Variants in PHACTR2 observed in about 807,000 individuals in gnomAD.
The protein encoded by PHACTR2 is phosphatase and actin regulator 2, also known as chromosome 6 open reading frame 56.
In PHACTR2, 30 loss-of-function variants were observed where a neutral mutation model predicts 76.0. The observed-to-expected ratio is 0.39, with a 90% CI of 0.30 to 0.54. The LOEUF (loss-of-function observed/expected upper bound fraction) is 0.54, where lower values mean the gene tolerates loss of function less well. PHACTR2 is among the 20% of genes least tolerant of loss of function. The pLI is 0.61. For missense variants in PHACTR2, 696 were observed against 781.1 expected, an observed-to-expected ratio of 0.89 and a Z score of 1.30; for synonymous variants, 292 against 292.5, an observed-to-expected ratio of 1.00 and a Z score of 0.02.
At position 143,592,733 on chromosome 6, in the gene PHACTR2, A is replaced by G. The variant is rs535838679; in HGVS notation, c.217+55526A>G. ...ATTCCATATTCATTGTCTACATTAC[A>G]CAAATTAGCTATTGTTAAGAATCCC... On this transcript the variant is annotated intron_variant, in intron 1 of 11. Coordinates refer to the PHACTR2 transcript ENST00000367584. The surrounding 1 kb of genome is among the most constrained non-coding windows in gnomAD (Gnocchi z 4.0). Among the ~76,000 whole-genome samples the G allele has an allele frequency of 1.3e-5, 2 of 152,252 alleles. No homozygotes were observed. Among genetic ancestry groups the G allele is most frequent in the Admixed American group, 1.3e-4 (2 of 15,298 alleles).
Position 143,801,208 on chromosome 6 carries a change from G to A in PHACTR2, c.1846-5849G>A, listed in dbSNP as rs1270657870. Among the ~76,000 whole-genome samples the A allele has an allele frequency of 6.6e-6, 1 of 152,118 alleles. No homozygotes were observed. The highest frequency in any genetic ancestry group is 6.5e-5 in the Admixed American group (1 of 15,276). On this transcript the variant is annotated intron_variant, in intron 11 of 12. Transcript: ENST00000440869. This position sits in a 1 kb window ranked among gnomAD's most constrained non-coding sequence, Gnocchi z 4.6. ...TCTTCTCGGGCAATCTCTTTGTGGT[G>A]TATTCTCTGTATTTCCTGAATTTGA... is the stretch of plus-strand genomic sequence containing the variant.
At chr6:143,715,881 C>T (rs1778289856) in intron 2 of PHACTR2, among the ~76,000 whole-genome samples, 1 of 152,200 alleles carries the variant, frequency 6.6e-6, no homozygotes, top group African/African-American at 2.4e-5. Context: ...TCTCCTCACG[C>T]AGAGTCTTTA....
chr6:143,686,535 T>G (rs532610928), intron 1 of PHACTR2, among the ~76,000 whole-genome samples: 7 of 138,118 alleles, frequency 5.1e-5, no homozygotes, highest in African/African-American at 1.9e-4. Flanking sequence ...TTACCTAGGC[T>G]GGAGTGCAGT....
rs538273792 is a variant in PHACTR2 at position 143,688,696 on chromosome 6, C to A, written c.46+10487C>A. 3.9e-5 allele frequency among the ~76,000 whole-genome samples: 6 copies of A among 152,164 alleles called. No homozygotes were observed. Among genetic ancestry groups the A allele is most frequent in the Non-Finnish European group, 8.8e-5 (6 of 68,026 alleles). On this transcript the variant is annotated intron_variant, in intron 1 of 12. Coordinates refer to ENST00000440869, the MANE Select transcript of PHACTR2 (RefSeq NM_001100164.2). This position sits in a 1 kb window ranked among gnomAD's most constrained non-coding sequence, Gnocchi z 5.2. ...TGTCCTTTTCTCTTCCCAAATATAT[C>A]TCAAGTCCATGCTCTTCCGTCTGTC...
Position 143,663,705 on chromosome 6 carries a change from T to C in PHACTR2, c.14-48311T>C, listed in dbSNP as rs1329923637. On this transcript the variant is annotated intron_variant, in intron 1 of 11. Transcript: ENST00000305766. This position sits in a 1 kb window ranked among gnomAD's most constrained non-coding sequence, Gnocchi z 4.1. ...ACTTAGGAGTATGTTTCTTTCAGTT[T>C]CTAAAAATGTGTGGGAGGGGTTTTT... 2.0e-5 allele frequency among the ~76,000 whole-genome samples: 3 copies of C among 152,174 alleles called. No homozygotes were observed. The highest frequency in any genetic ancestry group is 4.4e-5 in the Non-Finnish European group (3 of 68,022).
chr6:143,631,054 A>G (rs73778627), intron 1 of PHACTR2, among the ~76,000 whole-genome samples: 543 of 152,378 alleles, frequency 3.6e-3, no homozygotes, highest in African/African-American at 0.012. Flanking sequence ...GCAAGGAATT[A>G]AATACTTAAC....
At chr6:143,567,292 C>G (rs1195188416) in intron 1 of PHACTR2, among the ~76,000 whole-genome samples, 3 of 152,232 alleles carry the variant, frequency 2.0e-5, no homozygotes, top group African/African-American at 7.2e-5. Flanking sequence ...CCCTCCCTCT[C>G]TCGTTCTCTC....
At chr6:143,579,117 C>T (rs111305171) in intron 1 of PHACTR2, among the ~76,000 whole-genome samples, 197 of 152,234 alleles carry the variant, frequency 1.3e-3, no homozygotes, top group African/African-American at 3.9e-3. Flanking sequence ...TTGCCCAGGA[C>T]GGTCTTGAAC....
Position 143,680,770 on chromosome 6 carries a change from A to G in PHACTR2, c.46+2561A>G, listed in dbSNP as rs1777373842. ...ATCTCTGTTCCCACCCTATTCAACCAGTGGGCTCTACCTTAATGAAACACT... is the reference window on the plus strand; with the variant it reads ...ATCTCTGTTCCCACCCTATTCAACCGGTGGGCTCTACCTTAATGAAACACT... On this transcript the variant is annotated intron_variant, in intron 1 of 12. Coordinates refer to ENST00000440869, the MANE Select transcript of PHACTR2 (RefSeq NM_001100164.2). This position sits in a 1 kb window ranked among gnomAD's most constrained non-coding sequence, Gnocchi z 4.5. 6.6e-6 allele frequency among the ~76,000 whole-genome samples: 1 copy of G among 151,580 alleles called. No homozygotes were observed. The highest frequency in any genetic ancestry group is 6.6e-5 in the Admixed American group (1 of 15,220).
In PHACTR2 at chr6:143,680,295, C is replaced by T. The variant is rs73778658; in HGVS notation, c.46+2086C>T. Reference sequence around the variant, plus strand: ...TGTTTAACTCTGGCTTTACAGATGGCGTGAAGATCCTTGTTCTGTTTGATC... The same window carrying T: ...TGTTTAACTCTGGCTTTACAGATGGTGTGAAGATCCTTGTTCTGTTTGATC... On this transcript the variant is annotated intron_variant, in intron 1 of 12. Transcript: ENST00000440869. This position sits in a 1 kb window ranked among gnomAD's most constrained non-coding sequence, Gnocchi z 4.5. 0.045 allele frequency among the ~76,000 whole-genome samples: 6,855 copies of T among 152,146 alleles called. 462 individuals are homozygous for T. Among genetic ancestry groups the T allele is most frequent in the African/African-American group, 0.15 (6,133 of 41,484 alleles).
Position 143,667,913 on chromosome 6 carries a change from C to A in PHACTR2, c.14-44103C>A, listed in dbSNP as rs1001329661. On this transcript the variant is annotated intron_variant, in intron 1 of 11. Coordinates refer to the PHACTR2 transcript ENST00000305766. ...ATTGCCCTGGCCAGAACTTCCAATA[C>A]AATGTTGAATAGGAGTGGTGAGAGA... 1.4e-4 allele frequency among the ~76,000 whole-genome samples: 22 copies of A among 152,298 alleles called. 1 individual carries two copies. The South Asian group carries it at 2.5e-3, about 17-fold the overall frequency.
rs1775631001 is a variant in PHACTR2, at chr6:143,789,602, T to G, written c.1845+692T>G. Among the ~76,000 whole-genome samples, 2 of 152,236 alleles carry G rather than the reference T, an allele frequency of 1.3e-5. No homozygotes were observed. The highest frequency in any genetic ancestry group is 2.9e-5 in the Non-Finnish European group (2 of 68,036). On this transcript the variant is annotated intron_variant, in intron 11 of 12. Transcript: ENST00000440869. The surrounding 1 kb of genome is among the most constrained non-coding windows in gnomAD (Gnocchi z 5.1). ...GGCAAAGATTCGTGCCAACCGTTTG[T>G]TTTTAAATTGTTCTAATTTTTATCT...
At chr6:143,762,654 A>G (rs1424056447) in intron 5 of PHACTR2, among the ~76,000 whole-genome samples, 1 of 152,218 alleles carries the variant, frequency 6.6e-6, no homozygotes, top group Admixed American at 6.5e-5. Flanking sequence ...AGTTTGTTCA[A>G]ATGCTACTCT....
At position 143,678,489 on chromosome 6, in the gene PHACTR2, C is replaced by G. The variant is rs1342077015; in HGVS notation, c.46+280C>G. 6.6e-6 allele frequency among the ~76,000 whole-genome samples: 1 copy of G among 152,198 alleles called. No individual in the cohort carries two copies. The highest frequency in any genetic ancestry group is 1.9e-4 in the East Asian group (1 of 5,200). On this transcript the variant is annotated intron_variant, in intron 1 of 12. Coordinates refer to ENST00000440869, the MANE Select transcript of PHACTR2 (RefSeq NM_001100164.2). The surrounding 1 kb of genome is among the most constrained non-coding windows in gnomAD (Gnocchi z 6.2). ...AAATTATTTCGGAGCCAGAAACTTA[C>G]GGGAAACGCCATTTGCGTATTACAG...
At chr6:143,644,758 TG>T (rs1458811479) in intron 1 of PHACTR2, among the ~76,000 whole-genome samples, 5 of 151,430 alleles carry the variant, frequency 3.3e-5, no homozygotes, top group African/African-American at 4.9e-5. Context: ...TCTTAGGGTT[TG>T]TTTTTTTTTT....
At position 143,757,066 on chromosome 6, in the gene PHACTR2, AAAT is replaced by A. The variant is rs751171947; in HGVS notation, c.454+3160_454+3162del. 5.1e-4 allele frequency among the ~76,000 whole-genome samples: 77 copies of A among 152,166 alleles called. No individual in the cohort carries two copies. Among genetic ancestry groups the A allele is most frequent in the Admixed American group, 2.6e-4 (4 of 15,286 alleles). On this transcript the variant is annotated intron_variant, in intron 4 of 12. Transcript: ENST00000440869. The surrounding 1 kb of genome is among the most constrained non-coding windows in gnomAD (Gnocchi z 4.2). Reference sequence around the variant, plus strand: ...AAAAAAAGAAAATAATAATAATTTTAAATAATAAGATTTTATAAGAATTCTAAG... The same window carrying A: ...AAAAAAAGAAAATAATAATAATTTTAAATAAGATTTTATAAGAATTCTAAG...
At chr6:143,804,640 T>G (rs573701836) in intron 11 of PHACTR2, among the ~76,000 whole-genome samples, 36 of 152,340 alleles carry the variant, frequency 2.4e-4, no homozygotes, top group South Asian at 6.2e-4. Context: ...AGCACACAAT[T>G]TACAATTGTA....
At chr6:143,607,506 C>T (rs141438486), upstream of PHACTR2, among the ~76,000 whole-genome samples, 13 of 152,310 alleles carry the variant, frequency 8.5e-5, no homozygotes, top group East Asian at 2.3e-3. Flanking sequence ...CAGATGATAA[C>T]GGACTGTAGA....
Position 143,617,632 on chromosome 6 carries a change from C to T in PHACTR2, c.13+9310C>T, listed in dbSNP as rs1776077937. ...CTTTTCTTTCCCCTTTCTCTCCCTC[C>T]TTCCTCCCTCCAGTCTAGCAGGCCA... On this transcript the variant is annotated intron_variant, in intron 1 of 11. Transcript: ENST00000305766. The surrounding 1 kb of genome is among the most constrained non-coding windows in gnomAD (Gnocchi z 4.8). Among the ~76,000 whole-genome samples, 1 of 152,176 alleles carries T rather than the reference C, an allele frequency of 6.6e-6. No homozygotes were observed. The highest frequency in any genetic ancestry group is 1.5e-5 in the Non-Finnish European group (1 of 68,026).
Sources: allele counts gnomAD v4.1 joint callset (sites outside exome capture counted in the v4.1 genomes callset), GRCh38; gene constraint gnomAD v4.1.1; non-coding constraint Gnocchi (gnomAD v3.1); transcripts MANE v1.5; gene names NCBI Gene and HGNC (gene_info 2026-07-23, HGNC 2026-07-21).